Variants in CWC27 observed in about 807,000 individuals in gnomAD.
CWC27 encodes spliceosome-associated protein CWC27 homolog.
Under a neutral mutation model 63.6 loss-of-function variants are expected in CWC27, and 47 were observed. The ratio of observed to expected loss-of-function variants is 0.74; its 90% confidence interval spans 0.58 to 0.94. The LOEUF is 0.94. Among genes scored for constraint, CWC27 ranks in the 40% least tolerant of loss-of-function variants. CWC27 has a pLI of 0.00. For missense variants in CWC27, 495 were observed against 554.3 expected (o/e 0.89, Z 1.07); for synonymous variants, 175 against 179.8 (o/e 0.97, Z 0.22).
chr5:64,814,368 A>G (rs1300932965), intron 10 of CWC27, among the ~76,000 whole-genome samples: 1 of 151,968 alleles, frequency 6.6e-6, no homozygotes, highest in Non-Finnish European at 1.5e-5. Context: ...ACAATACCTA[A>G]CCTATACAAA....
chr5:64,952,958 T>C (rs1748739306), intron 11 of CWC27, among the ~76,000 whole-genome samples: 2 of 152,276 alleles, frequency 1.3e-5, no homozygotes, highest in South Asian at 2.1e-4. Flanking sequence ...TTTTTTGTAC[T>C]TTCCATTCTA....
At chr5:64,871,472 T>C (rs1228678222) in intron 10 of CWC27, among the ~76,000 whole-genome samples, 1 of 152,034 alleles carries the variant, frequency 6.6e-6, no homozygotes. Context: ...GAGGAATAGA[T>C]GTTAAAGATT....
chr5:64,774,746 C>T lies in CWC27; in HGVS notation c.98C>T (p.Ala33Val), dbSNP rs769658848. 2 of 1,607,714 alleles carry T rather than the reference C, an allele frequency of 1.2e-6. No individual in the cohort carries two copies. The highest frequency in any genetic ancestry group is 2.3e-5 in the East Asian group (1 of 44,418). ...GACATAGAGTTGTGGTCCAAAGAAG[C>T]TCCTAAAGCTTGCAGAAATTTTATC... ...DIDIELWSKE[A>V]PKACRNFIQL... The change falls in exon 2 of 14, where the codon GCT becomes GTT. Residue 33 changes from alanine to valine, a missense_variant. Coordinates refer to ENST00000381070, the MANE Select transcript of CWC27 (RefSeq NM_005869.4).
chr5:64,800,074 A>T (rs914588478), intron 7 of CWC27, among the ~76,000 whole-genome samples, 174 bp from the exon 8 acceptor site: 1 of 152,178 alleles, frequency 6.6e-6, no homozygotes, highest in Non-Finnish European at 1.5e-5. Context: ...ATTTTCAGTC[A>T]ATAGAAGAGT....
chr5:64,827,134 A>G (rs1234427812), intron 10 of CWC27, among the ~76,000 whole-genome samples: 3 of 152,196 alleles, frequency 2.0e-5, no homozygotes, highest in African/African-American at 7.2e-5. Context: ...CAATCCTCTA[A>G]ATAACATACT....
intron 11 of CWC27, among the ~76,000 whole-genome samples, chr5:64,949,657 C>T (rs1270242757): frequency 6.6e-6 from 1 of 152,040 alleles, no homozygotes; most frequent in Non-Finnish European, 1.5e-5. Flanking sequence ...ACACTAAGCT[C>T]ATCTTTCACT....
chr5:64,840,251 A>G (rs1472610537), intron 10 of CWC27, among the ~76,000 whole-genome samples: 1 of 151,086 alleles, frequency 6.6e-6, no homozygotes, highest in Non-Finnish European at 1.5e-5. Context: ...GCACCCAAGC[A>G]ATGTCCTCAA....
chr5:64,960,904 C>T (rs1580750946), intron 11 of CWC27, among the ~76,000 whole-genome samples: 1 of 148,928 alleles, frequency 6.7e-6, no homozygotes, highest in Non-Finnish European at 1.5e-5. Flanking sequence ...TGCACCACTA[C>T]ACCCAGCTCA....
intron 11 of CWC27, among the ~76,000 whole-genome samples, chr5:64,928,155 CAA>C (rs773276316): frequency 6.3e-5 from 8 of 126,528 alleles, no homozygotes; most frequent in Non-Finnish European, 3.4e-5. Flanking sequence ...AACTCCTTCT[CAA>C]AAAAAAAAAA....
chr5:64,815,023 GAAGACTGGC>G (rs1044558538), intron 10 of CWC27, among the ~76,000 whole-genome samples: 37 of 152,162 alleles, frequency 2.4e-4, no homozygotes, highest in South Asian at 2.1e-4. Context: ...TTCTGGCTTG[GAAGACTGGC>G]TAAGAAGTAG....
rs112073236 is a variant in CWC27, at chr5:64,898,140, G to T, written c.1042+12594G>T. 3.9e-3 allele frequency among the ~76,000 whole-genome samples: 595 copies of T among 152,208 alleles called. 1 individual carries two copies. Among genetic ancestry groups the T allele is most frequent in the African/African-American group, 0.013 (556 of 41,544 alleles). On this transcript the variant is annotated intron_variant, in intron 11 of 13. Coordinates refer to ENST00000381070, the MANE Select transcript of CWC27 (RefSeq NM_005869.4). ...GGCCACATAATGGACCATAAAGAAAGAAAATTTTCAGAGGATTGTTTTCAG... is the reference window on the plus strand; with the variant it reads ...GGCCACATAATGGACCATAAAGAAATAAAATTTTCAGAGGATTGTTTTCAG...
At chr5:64,938,203 T>C (rs1428556526) in intron 11 of CWC27, among the ~76,000 whole-genome samples, 1 of 152,176 alleles carries the variant, frequency 6.6e-6, no homozygotes, top group Non-Finnish European at 1.5e-5. Context: ...ATAGTGTCGA[T>C]GGTCTTTATA....
intron 13 of CWC27, among the ~76,000 whole-genome samples, chr5:64,990,206 T>C (rs1390349823): frequency 6.6e-6 from 1 of 152,076 alleles, no homozygotes; most frequent in African/African-American, 2.4e-5. Context: ...TTATGCTTTA[T>C]GTAGCCTTTA....
At chr5:64,930,126 A>G (rs1321312012) in intron 11 of CWC27, among the ~76,000 whole-genome samples, 9 of 152,330 alleles carry the variant, frequency 5.9e-5, no homozygotes, top group African/African-American at 2.2e-4. Flanking sequence ...ACCATGAATT[A>G]TATGATTCCA....
At chr5:64,807,769 C>G (rs1454794022) in intron 10 of CWC27, 1 of 1,535,778 alleles carries the variant, frequency 6.5e-7, no homozygotes, top group Non-Finnish European at 8.7e-7. Context: ...CAAACTCACT[C>G]AACGGATCAC....
rs778107435 is a variant in CWC27 at position 64,786,572 on chromosome 5, C to T, written c.544C>T (p.Leu182=). ...CATCATTCCAAGGGAAATTAAAAGG[C>T]TGAAAAAAGAGAAACCAGAGGAGGA... ...DDIIPREIKR[L]KKEKPEEEVK... Residue 182 remains leucine (L), a synonymous_variant, in exon 6 of 14, where the codon CTG becomes TTG. Coordinates refer to ENST00000381070, the MANE Select transcript of CWC27 (RefSeq NM_005869.4). The T allele has an allele frequency of 1.3e-6, 2 of 1,590,882 alleles. No homozygotes were observed. Among genetic ancestry groups the T allele is most frequent in the African/African-American group, 2.7e-5 (2 of 73,318 alleles).
intron 11 of CWC27, among the ~76,000 whole-genome samples, chr5:64,933,970 T>C (rs768838664): frequency 6.6e-6 from 1 of 152,230 alleles, no homozygotes; most frequent in Non-Finnish European, 1.5e-5. Flanking sequence ...ATGTCCTTCA[T>C]AGCTGTTATT....
chr5:64,851,560 A>G (rs1406847614), intron 10 of CWC27, among the ~76,000 whole-genome samples: 6 of 152,210 alleles, frequency 3.9e-5, no homozygotes, highest in Non-Finnish European at 7.4e-5. Context: ...TGTTCTCACC[A>G]CAGAAGTATG....
intron 10 of CWC27, among the ~76,000 whole-genome samples, chr5:64,807,289 G>T (rs1744714190): frequency 1.3e-5 from 2 of 152,170 alleles, no homozygotes; most frequent in African/African-American, 2.4e-5. Flanking sequence ...GTTAAAGCTG[G>T]TTATCACTTT....
Sources: gnomAD v4.1 joint callset for allele counts (sites outside exome capture counted in the v4.1 genomes callset) on GRCh38, gnomAD v4.1.1 for gene constraint, MANE v1.5 for transcripts, NCBI Gene and HGNC (gene_info 2026-07-23, HGNC 2026-07-21) for gene names.